SNX4: variants seen among roughly 807,000 people sequenced by gnomAD.
SNX4 encodes the protein sorting nexin 4.
Under a neutral mutation model 70.8 loss-of-function variants are expected in SNX4, and 49 were observed. That is an observed-to-expected ratio of 0.69 (90% confidence interval 0.55 to 0.88). The LOEUF is 0.88. Ranked by LOEUF, SNX4 falls within the 40% of genes least tolerant of loss-of-function variation. The probability of loss-of-function intolerance (pLI) is 0.00; values close to 1 mark genes in which losing one functional copy is unlikely to be tolerated. For synonymous variants in SNX4, 206 were observed against 183.8 expected (o/e 1.12, Z -0.98); for missense variants, 528 against 544.8 (o/e 0.97, Z 0.31).
chr3:125,484,218 TAC>T (rs1934475140), intron 6 of SNX4, among the ~76,000 whole-genome samples: 1 of 152,230 alleles, frequency 6.6e-6, no homozygotes, highest in Non-Finnish European at 1.5e-5. Flanking sequence ...CTCCTCAAAG[TAC>T]ACCTATTGCC....
intron 8 of SNX4, among the ~76,000 whole-genome samples, chr3:125,476,071 G>C (rs1279227122): frequency 6.6e-6 from 1 of 151,698 alleles, no homozygotes; most frequent in African/African-American, 2.4e-5. Flanking sequence ...TTCAAGACCA[G>C]CCTGGTCAAC....
At chr3:125,467,641 A>G in intron 9 of SNX4, among the ~76,000 whole-genome samples, 1 of 152,104 alleles carries the variant, frequency 6.6e-6, no homozygotes, top group East Asian at 1.9e-4. Context: ...TTGAACTCCT[A>G]GGCTCAAGAG....
chr3:125,481,555 T>C (rs926403948), intron 6 of SNX4, among the ~76,000 whole-genome samples: 2 of 152,018 alleles, frequency 1.3e-5, no homozygotes, highest in Admixed American at 1.3e-4. Flanking sequence ...TTCAAGCAGT[T>C]TTCCCGCCTT....
At chr3:125,460,665 G>T in intron 10 of SNX4, 106 bp downstream of exon 10, 1 of 497,536 alleles carries the variant, frequency 2.0e-6, no homozygotes, top group Non-Finnish European at 3.6e-6. Context: ...TTATCTGAGG[G>T]AATGCATTCA....
At chr3:125,492,022 C>T (rs1212781260) in intron 5 of SNX4, among the ~76,000 whole-genome samples, 1 of 145,104 alleles carries the variant, frequency 6.9e-6, no homozygotes, top group Non-Finnish European at 1.5e-5. Context: ...GCAGGAGAAT[C>T]GCTTGAACCC....
rs537810037 is a variant in SNX4 at position 125,469,794 on chromosome 3, G to A, written c.789-275C>T. 1.4e-3 allele frequency among the ~76,000 whole-genome samples: 210 copies of A among 152,056 alleles called. 3 individuals carry two copies. The South Asian group carries it at 0.039, about 29-fold the overall frequency. ...TTATAGATTACATTCTCAGTTAGGC[G>A]GCTGATTTAAATCATTTGTAAAGCT... On this transcript the variant is annotated intron_variant, in intron 8 of 13. Coordinates refer to ENST00000251775, the MANE Select transcript of SNX4 (RefSeq NM_003794.4).
chr3:125,482,217 C>T (rs150197423), intron 6 of SNX4, among the ~76,000 whole-genome samples: 1 of 152,270 alleles, frequency 6.6e-6, no homozygotes, highest in Non-Finnish European at 1.5e-5. Flanking sequence ...TACCATCAGC[C>T]CAAATCTCTC....
At chr3:125,510,053 C>T (rs1935138168) in intron 1 of SNX4, among the ~76,000 whole-genome samples, 1 of 152,046 alleles carries the variant, frequency 6.6e-6, no homozygotes, top group African/African-American at 2.4e-5. Flanking sequence ...TACAGTGGTG[C>T]CTCAAAAAAT....
intron 8 of SNX4, among the ~76,000 whole-genome samples, chr3:125,472,543 T>C (rs987218053): frequency 2.0e-5 from 3 of 152,168 alleles, no homozygotes; most frequent in Non-Finnish European, 4.4e-5. Flanking sequence ...AAAATAAATA[T>C]TAAAGTATCC....
At chr3:125,518,448 T>A (rs151159675) in intron 1 of SNX4, among the ~76,000 whole-genome samples, 216 of 151,026 alleles carry the variant, frequency 1.4e-3, no homozygotes, top group African/African-American at 5.0e-3. Flanking sequence ...GGAGACAGAG[T>A]GAGAACCTGT....
At chr3:125,467,188 A>C (rs1391961943) in intron 9 of SNX4, among the ~76,000 whole-genome samples, 1 of 151,680 alleles carries the variant, frequency 6.6e-6, no homozygotes, top group Non-Finnish European at 1.5e-5. Flanking sequence ...GGAGTTTGAG[A>C]CCAGTCTGGC....
chr3:125,515,359 AT>A (rs199716437), intron 1 of SNX4, among the ~76,000 whole-genome samples: 7,283 of 48,582 alleles, frequency 0.15, 417 homozygotes, highest in African/African-American at 0.44. Flanking sequence ...CTCAAAAAAT[AT>A]ATATATATAT....
intron 8 of SNX4, among the ~76,000 whole-genome samples, chr3:125,476,055 C>G (rs1225522072): frequency 6.6e-6 from 1 of 151,436 alleles, no homozygotes; most frequent in African/African-American, 2.4e-5. Context: ...ATCACGAGGT[C>G]AGGAGTTCAA....
At chr3:125,519,363 T>C (rs1156495712) in intron 1 of SNX4, among the ~76,000 whole-genome samples, 1 of 152,164 alleles carries the variant, frequency 6.6e-6, no homozygotes, top group Non-Finnish European at 1.5e-5. Context: ...AAAAAGTACA[T>C]GGGTTATCAA....
rs1579996163 is a variant in SNX4, at chr3:125,488,970, C to T, written c.653+438G>A. On this transcript the variant is annotated intron_variant, in intron 6 of 13. Transcript: ENST00000251775. ...ATGGAAATGCTCTCACAAATACTAGCTGATATTAATAAAATCAAGTATTTG... is the reference window on the plus strand; with the variant it reads ...ATGGAAATGCTCTCACAAATACTAGTTGATATTAATAAAATCAAGTATTTG... Among the ~76,000 whole-genome samples the T allele has an allele frequency of 2.6e-5, 4 of 152,152 alleles. No individual in the cohort carries two copies. In the South Asian group the frequency reaches 8.3e-4, roughly 31 times the overall value.
chr3:125,480,291 C>A lies in SNX4; in HGVS notation c.682G>T (p.Asp228Tyr). ...TGTGAGATGACAGACTGCAGTTCAT[C>A]ACTATAGTGCTTAAGGTCAGTAAAT... The part of the protein sequence containing the change: ...KRFTDLKHYS[D>Y]ELQSVISHLL... Residue 228 changes from aspartate to tyrosine, a missense_variant, in exon 7 of 14, where the codon GAT becomes TAT. Transcript: ENST00000251775. 6.4e-7 allele frequency: 1 copy of A among 1,565,296 alleles called. No individual in the cohort carries two copies. The highest frequency in any genetic ancestry group is 1.2e-5 in the South Asian group (1 of 82,984).
chr3:125,464,564 CTTTTTTTTTTTTTTTTT>C (rs778518316), intron 9 of SNX4, among the ~76,000 whole-genome samples: 3 of 67,054 alleles, frequency 4.5e-5, no homozygotes, highest in South Asian at 6.1e-4. Flanking sequence ...ATTTATCTTT[CTTTTTTTTTTTTTTTTT>C]TTTTTTTTTG....
chr3:125,454,935 C>A (rs1196610144), intron 11 of SNX4, among the ~76,000 whole-genome samples: 2 of 146,414 alleles, frequency 1.4e-5, no homozygotes, highest in Non-Finnish European at 1.5e-5. Flanking sequence ...AACTGAATTT[C>A]TTTTTTTTTT....
intron 10 of SNX4, among the ~76,000 whole-genome samples, chr3:125,458,299 A>C (rs1015530622): frequency 8.6e-5 from 13 of 151,678 alleles, no homozygotes; most frequent in African/African-American, 3.1e-4. Context: ...CAGCCTCCTA[A>C]GTAGCTGGGA....
Sources: allele counts gnomAD v4.1 joint callset (sites outside exome capture counted in the v4.1 genomes callset), GRCh38; gene constraint gnomAD v4.1.1; transcripts MANE v1.5; gene names NCBI Gene and HGNC (gene_info 2026-07-23, HGNC 2026-07-21).